BRI3BP: variants seen among roughly 807,000 people sequenced by gnomAD.
BRI3BP encodes the protein BRI3-binding protein.
A neutral mutation model predicts 15.8 loss-of-function variants in BRI3BP; 7 were observed. That is an observed-to-expected ratio of 0.44 (90% CI 0.25 to 0.83). The LOEUF is 0.83. Among genes scored for constraint, BRI3BP ranks in the 40% least tolerant of loss-of-function variants. The probability of loss-of-function intolerance (pLI) is 0.20; values close to 1 mark genes in which losing one functional copy is unlikely to be tolerated. For missense variants in BRI3BP, 320 were observed against 339.3 expected (o/e 0.94, Z 0.45); for synonymous variants, 192 against 163.5 (o/e 1.17, Z -1.33).
chr12:125,012,957 C>G (rs1955209600), intron 2 of BRI3BP, among the ~76,000 whole-genome samples: 1 of 151,964 alleles, frequency 6.6e-6, no homozygotes, highest in Non-Finnish European at 1.5e-5. Flanking sequence ...GTGATGTGCA[C>G]CTGTAGTCCC....
At chr12:125,020,996 C>T (rs1955294084) in intron 2 of BRI3BP, among the ~76,000 whole-genome samples, 1 of 152,168 alleles carries the variant, frequency 6.6e-6, no homozygotes, top group South Asian at 2.1e-4. Context: ...TAAACGAAAG[C>T]TCTGGGGACG....
At chr12:125,050,993 G>A in the BRI3BP span, among the ~76,000 whole-genome samples, 13 of 152,200 alleles carry the variant, frequency 8.5e-5, no homozygotes, top group Admixed American at 8.5e-4. Context: ...GGCTACTGAA[G>A]AGAGAACTTC....
chr12:125,040,572 A>C, the BRI3BP span, among the ~76,000 whole-genome samples: 5 of 150,044 alleles, frequency 3.3e-5, no homozygotes, highest in Non-Finnish European at 1.5e-5. Flanking sequence ...TGCACCCCCG[A>C]CTTCAGGTGA....
intron 1 of BRI3BP, among the ~76,000 whole-genome samples, chr12:125,002,930 G>T (rs1254418877): frequency 6.6e-6 from 1 of 152,222 alleles, no homozygotes; most frequent in Non-Finnish European, 1.5e-5. Context: ...TCGCATTCTC[G>T]TTGGTTGACG....
the BRI3BP span, among the ~76,000 whole-genome samples, chr12:125,045,495 G>A: frequency 2.8e-4 from 42 of 152,122 alleles, no homozygotes; most frequent in South Asian, 3.5e-3. Flanking sequence ...CATCACGCCC[G>A]GCTAATTTTT....
intron 1 of BRI3BP, among the ~76,000 whole-genome samples, chr12:125,009,763 G>A (rs1234990132): frequency 3.3e-5 from 5 of 152,132 alleles, no homozygotes; most frequent in African/African-American, 4.8e-5. Flanking sequence ...GGGCTAAAAT[G>A]TTGGTGTCCT....
At chr12:125,042,122 G>A in the BRI3BP span, among the ~76,000 whole-genome samples, 8 of 152,196 alleles carry the variant, frequency 5.3e-5, 1 homozygote, top group South Asian at 8.3e-4. Flanking sequence ...CTTATTGAGG[G>A]ACATTAAAGC....
intron 1 of BRI3BP, among the ~76,000 whole-genome samples, chr12:125,004,751 G>A (rs530759888): frequency 5.3e-5 from 8 of 152,144 alleles, no homozygotes; most frequent in African/African-American, 1.4e-4. Context: ...GATCCCACCC[G>A]ATATTTGGTC....
rs1955382287 is a variant in BRI3BP at position 125,028,933 on chromosome 12, T to C, written c.*3503T>C. ...TTTCTATCTTCAGGGCTGTAGAATA[T>C]ATTAGCGTAACACTTCACTGAATGT... On this transcript the variant is annotated 3_prime_UTR_variant, in exon 3 of 3. Coordinates refer to ENST00000341446, the MANE Select transcript of BRI3BP (RefSeq NM_080626.6). The C allele has an allele frequency of 6.6e-6, 1 of 152,220 alleles. No homozygotes were observed. Among genetic ancestry groups the C allele is most frequent in the Non-Finnish European group, 1.5e-5 (1 of 68,048 alleles). 9.4% of individuals were successfully genotyped at this position (152,220 alleles called of 1,614,324 possible).
downstream of BRI3BP, among the ~76,000 whole-genome samples, chr12:125,035,468 A>G (rs1955435769): frequency 6.7e-6 from 1 of 149,072 alleles, no homozygotes; most frequent in Non-Finnish European, 1.5e-5. Flanking sequence ...ATCACAGCTC[A>G]CTTTAGCCTT....
chr12:125,043,564 T>C, the BRI3BP span, among the ~76,000 whole-genome samples: 1 of 151,394 alleles, frequency 6.6e-6, no homozygotes, highest in Non-Finnish European at 1.5e-5. Context: ...TTTTTTTTAA[T>C]TAGCCAAGCA....
chr12:125,002,726 G>A lies in BRI3BP; in HGVS notation c.213+8723G>A, dbSNP rs368313075. Among the ~76,000 whole-genome samples, 6 of 152,288 alleles carry A rather than the reference G, an allele frequency of 3.9e-5. No individual in the cohort carries two copies. The South Asian group carries it at 6.2e-4, about 16-fold the overall frequency. The stretch of plus-strand genomic sequence containing the variant: ...TCACCTTGGCCTCCCAAAGTGCTGG[G>A]ATTACAGGCGTGAGCCACCACACCT... On this transcript the variant is annotated intron_variant, in intron 1 of 2. Transcript: ENST00000341446.
chr12:125,011,492 G>A (rs375423158), intron 1 of BRI3BP, among the ~76,000 whole-genome samples: 16 of 152,186 alleles, frequency 1.1e-4, no homozygotes, highest in African/African-American at 3.6e-4. Context: ...TGGTCTGAGT[G>A]TGAGTATCTC....
At chr12:125,037,463 T>C in the BRI3BP span, among the ~76,000 whole-genome samples, 1 of 152,216 alleles carries the variant, frequency 6.6e-6, no homozygotes, top group Non-Finnish European at 1.5e-5. Flanking sequence ...AATATTCCCT[T>C]AGTGCCCTGG....
intron 1 of BRI3BP, among the ~76,000 whole-genome samples, chr12:125,009,546 T>C (rs988455858): frequency 6.6e-6 from 1 of 152,104 alleles, no homozygotes; most frequent in Non-Finnish European, 1.5e-5. Flanking sequence ...CGCCTCGGCT[T>C]CCCAAAGTGC....
At chr12:125,044,255 C>A in the BRI3BP span, among the ~76,000 whole-genome samples, 3 of 152,020 alleles carry the variant, frequency 2.0e-5, no homozygotes, top group Non-Finnish European at 4.4e-5. Context: ...CGGGTTCAAG[C>A]GATTCTCCTG....
intron 1 of BRI3BP, among the ~76,000 whole-genome samples, chr12:124,994,584 G>A (rs779126351): frequency 1.8e-4 from 27 of 152,176 alleles, no homozygotes; most frequent in Non-Finnish European, 3.4e-4. Flanking sequence ...CTTTCGCGTG[G>A]AGCCTTTTGT....
At position 125,025,416 on chromosome 12, in the gene BRI3BP, T is replaced by C; in HGVS notation, c.742T>C (p.Ser248Pro). 6.3e-7 allele frequency: 1 copy of C among 1,594,084 alleles called. No homozygotes were observed. Among genetic ancestry groups the C allele is most frequent in the Non-Finnish European group, 8.6e-7 (1 of 1,166,368 alleles). The change falls in exon 3 of 3, where the codon TCC becomes CCC. Residue 248 changes from serine (S) to proline (P), a missense_variant. Transcript: ENST00000341446. Reference sequence around the variant, plus strand: ...CCGGGTGCTCGAGAGCCTGGACCGCTCCAAGGACAAGTGAAGGTCAGCCGG... The same window carrying C: ...CCGGGTGCTCGAGAGCCTGGACCGCCCCAAGGACAAGTGAAGGTCAGCCGG... ...LNRVLESLDR[S>P]KDK
intron 1 of BRI3BP, among the ~76,000 whole-genome samples, chr12:125,000,739 C>G (rs1198726146): frequency 6.6e-6 from 1 of 152,192 alleles, no homozygotes; most frequent in Non-Finnish European, 1.5e-5. Context: ...AAACTTTTTT[C>G]TCTGCAAACA....
Sources: gnomAD v4.1 joint callset for allele counts (sites outside exome capture counted in the v4.1 genomes callset) on GRCh38, gnomAD v4.1.1 for gene constraint, MANE v1.5 for transcripts, NCBI Gene and HGNC (gene_info 2026-07-23, HGNC 2026-07-21) for gene names.